The following IL1RAPL2 variants were observed in gnomAD, a reference collection of about 807,000 sequenced individuals.
IL1RAPL2 encodes X-linked interleukin-1 receptor accessory protein-like 2.
IL1RAPL2 carries 3 observed loss-of-function variants against 44.1 expected under a neutral mutation model. That is an observed-to-expected ratio of 0.07 (90% CI 0.03 to 0.18). The LOEUF is 0.18. Among genes scored for constraint, IL1RAPL2 ranks in the 10% least tolerant of loss-of-function variants. The pLI, the probability that IL1RAPL2 is intolerant of heterozygous loss-of-function variation, is 1.00. For synonymous variants in IL1RAPL2, 181 were observed against 178.8 expected (o/e 1.01, Z -0.10); for missense variants, 391 against 496.4 (o/e 0.79, Z 2.02).
intron 2 of IL1RAPL2, among the ~76,000 whole-genome samples, chrX:105,026,691 G>A (rs776107243): frequency 9.1e-6 from 1 of 110,301 alleles, no homozygotes; most frequent in East Asian, 2.9e-4. Context: ...AATTGAAGAG[G>A]ACACCAAAAA....
At chrX:104,702,518 C>T (rs1931293708) in intron 2 of IL1RAPL2, among the ~76,000 whole-genome samples, 1 of 112,335 alleles carries the variant, frequency 8.9e-6, no homozygotes, top group African/African-American at 3.2e-5. Flanking sequence ...CTGATTGCTT[C>T]AGACTGACTG....
chrX:104,640,216 A>G (rs1929905993), intron 1 of IL1RAPL2, among the ~76,000 whole-genome samples: 1 of 111,649 alleles, frequency 9.0e-6, no homozygotes, highest in South Asian at 3.7e-4. Flanking sequence ...GGCTATTTCA[A>G]AACACCTGTA....
intron 2 of IL1RAPL2, among the ~76,000 whole-genome samples, chrX:105,116,763 T>C (rs934893247): frequency 1.8e-5 from 2 of 112,799 alleles, no homozygotes; most frequent in African/African-American, 3.2e-5. Context: ...AACTAATTTT[T>C]TGGTAGGAAA....
intron 1 of IL1RAPL2, among the ~76,000 whole-genome samples, chrX:104,588,129 C>A (rs910443933): frequency 8.9e-6 from 1 of 111,882 alleles, no homozygotes; most frequent in Non-Finnish European, 1.9e-5. Context: ...AGAAATGGAA[C>A]TTTTCATTCA....
chrX:105,341,674 G>C (rs980720273), intron 5 of IL1RAPL2, among the ~76,000 whole-genome samples: 1 of 112,055 alleles, frequency 8.9e-6, no homozygotes, highest in Non-Finnish European at 1.9e-5. Flanking sequence ...GCTCATGCCT[G>C]TAATCCCAGC....
At chrX:105,211,827 G>T (rs1344408455) in intron 3 of IL1RAPL2, among the ~76,000 whole-genome samples, 4 of 111,361 alleles carry the variant, frequency 3.6e-5, no homozygotes, top group African/African-American at 9.8e-5. Flanking sequence ...ACCCATGGAG[G>T]GTGAGCAGAG....
rs1244481889 is a variant in IL1RAPL2 at position 104,904,294 on chromosome X, AATT to A, written c.82+245303_82+245305del. Among the ~76,000 whole-genome samples, 8 of 109,044 alleles carry A rather than the reference AATT, an allele frequency of 7.3e-5. No homozygotes were observed. In the East Asian group the frequency reaches 1.7e-3, roughly 24 times the overall value. 94.7% of individuals were successfully genotyped at this position (109,044 alleles called of 115,157 possible). On this transcript the variant is annotated intron_variant, in intron 2 of 10. Coordinates refer to ENST00000372582, the MANE Select transcript of IL1RAPL2 (RefSeq NM_017416.2). ...ATATACATATGTAGTTTTCTTTTTA[AATT>A]ATTCTTTTTTTCTCATTATTATACT...
intron 5 of IL1RAPL2, among the ~76,000 whole-genome samples, chrX:105,359,225 A>G (rs2035230267): frequency 8.9e-6 from 1 of 111,741 alleles, no homozygotes; most frequent in South Asian, 3.8e-4. Flanking sequence ...ACTATAAGGC[A>G]TTGCAACTTG....
At chrX:104,809,183 C>A (rs1932949592) in intron 2 of IL1RAPL2, among the ~76,000 whole-genome samples, 2 of 111,553 alleles carry the variant, frequency 1.8e-5, no homozygotes, top group African/African-American at 3.3e-5. Context: ...ACACTTGATG[C>A]CTCTCTCTGC....
At chrX:105,328,510 C>T (rs1048780661) in intron 5 of IL1RAPL2, among the ~76,000 whole-genome samples, 12 of 111,533 alleles carry the variant, frequency 1.1e-4, no homozygotes, top group Non-Finnish European at 2.1e-4. Flanking sequence ...TAAGGTTTTG[C>T]CATGAGAATG....
rs745585463 is a variant in IL1RAPL2, at chrX:104,914,125, C to G, written c.82+255130C>G. ...AAAAATTCAGATCCCTAGCTTCACA[C>G]TAGACCTGCTGAATCACTCTCTGAA... On this transcript the variant is annotated intron_variant, in intron 2 of 10. Transcript: ENST00000372582. Among the ~76,000 whole-genome samples the G allele has an allele frequency of 2.7e-5, 3 of 111,868 alleles. No individual in the cohort carries two copies. The East Asian group carries it at 8.4e-4, about 31-fold the overall frequency.
intron 2 of IL1RAPL2, among the ~76,000 whole-genome samples, chrX:104,903,355 T>C (rs1923872626): frequency 8.9e-6 from 1 of 111,780 alleles, no homozygotes; most frequent in African/African-American, 3.3e-5. Flanking sequence ...TGAGAAATTA[T>C]TTTAAAAGAA....
chrX:105,573,516 G>A (rs1252648866), intron 6 of IL1RAPL2, among the ~76,000 whole-genome samples: 1 of 111,373 alleles, frequency 9.0e-6, no homozygotes, highest in Non-Finnish European at 1.9e-5. Flanking sequence ...TGAAGTTGAA[G>A]GAAACTCATG....
intron 6 of IL1RAPL2, among the ~76,000 whole-genome samples, chrX:105,572,883 C>T (rs1255310378): frequency 9.0e-6 from 1 of 111,439 alleles, no homozygotes; most frequent in Non-Finnish European, 1.9e-5. Context: ...ATTTAGTTTG[C>T]AGTAATTGAA....
intron 2 of IL1RAPL2, among the ~76,000 whole-genome samples, chrX:104,980,843 T>C (rs1254421235): frequency 8.9e-6 from 1 of 111,874 alleles, no homozygotes; most frequent in East Asian, 2.8e-4. Flanking sequence ...TTTTTTTTTC[T>C]GTGAAAATGT....
chrX:105,029,298 T>C (rs1175321186), intron 2 of IL1RAPL2, among the ~76,000 whole-genome samples: 1 of 106,080 alleles, frequency 9.4e-6, no homozygotes, highest in South Asian at 4.4e-4. Flanking sequence ...ATGTGCACAA[T>C]GTGCAGGTTT....
At chrX:105,297,859 G>C (rs2034665337) in intron 5 of IL1RAPL2, among the ~76,000 whole-genome samples, 1 of 111,393 alleles carries the variant, frequency 9.0e-6, no homozygotes, top group Non-Finnish European at 1.9e-5. Flanking sequence ...GATGGCAAGA[G>C]TGGAGGCCAG....
chrX:104,917,443 C>A (rs1355837427), intron 2 of IL1RAPL2, among the ~76,000 whole-genome samples: 1 of 111,618 alleles, frequency 9.0e-6, no homozygotes, highest in Non-Finnish European at 1.9e-5. Flanking sequence ...ACAAATGAAA[C>A]TAGGAGTTTC....
intron 5 of IL1RAPL2, among the ~76,000 whole-genome samples, chrX:105,411,185 A>T (rs1314208566): frequency 9.0e-6 from 1 of 111,709 alleles, no homozygotes; most frequent in East Asian, 2.8e-4. Flanking sequence ...AAAGAGAAAG[A>T]AAACAAAACT....
Sources: allele counts gnomAD v4.1 joint callset (sites outside exome capture counted in the v4.1 genomes callset), GRCh38; gene constraint gnomAD v4.1.1; transcripts MANE v1.5; gene names NCBI Gene and HGNC (gene_info 2026-07-23, HGNC 2026-07-21).